The following DSCAM variants were observed in gnomAD, a reference collection of about 807,000 sequenced individuals.
The protein encoded by DSCAM is DS cell adhesion molecule.
A neutral mutation model predicts 217.7 loss-of-function variants in DSCAM; 47 were observed. That is an observed-to-expected ratio of 0.22 (90% CI 0.17 to 0.28). The LOEUF (loss-of-function observed/expected upper bound fraction) is 0.28, where lower values mean the gene tolerates loss of function less well. DSCAM is among the 10% of genes least tolerant of loss of function. DSCAM has a pLI of 1.00. For synonymous variants in DSCAM, 1,056 were observed against 1,015.3 expected (o/e 1.04, Z -0.76); for missense variants, 2,080 against 2,618.3 (o/e 0.79, Z 4.49).
chr21:40,358,802 GAAA>G (rs199807503), intron 4 of DSCAM, among the ~76,000 whole-genome samples: 1 of 96,658 alleles, frequency 1.0e-5, no homozygotes, highest in Admixed American at 1.2e-4. Flanking sequence ...ACTCCATCTC[GAAA>G]AAAAAAAAAA....
chr21:40,605,634 C>G (rs2089224575), intron 3 of DSCAM, among the ~76,000 whole-genome samples: 1 of 152,130 alleles, frequency 6.6e-6, no homozygotes, highest in African/African-American at 2.4e-5. Flanking sequence ...GGTTGGGCCA[C>G]ATTTGGCCTG....
chr21:40,806,211 G>A, intron 1 of DSCAM, among the ~76,000 whole-genome samples: 1 of 152,200 alleles, frequency 6.6e-6, no homozygotes, highest in South Asian at 2.1e-4. Context: ...AGTCCCCACT[G>A]TGGCCTTCCA....
chr21:40,175,257 G>A (rs2090711824), intron 15 of DSCAM, among the ~76,000 whole-genome samples: 1 of 152,090 alleles, frequency 6.6e-6, no homozygotes, highest in Non-Finnish European at 1.5e-5. Context: ...TTACAGGCAT[G>A]TGCCACAATG....
intron 3 of DSCAM, among the ~76,000 whole-genome samples, chr21:40,577,922 G>T (rs1176097150): frequency 6.6e-6 from 1 of 152,094 alleles, no homozygotes; most frequent in Non-Finnish European, 1.5e-5. Flanking sequence ...GGATGTGCTG[G>T]GAGTCAGCTT....
chr21:40,089,301 C>T (rs1421592079), intron 21 of DSCAM, among the ~76,000 whole-genome samples: 2 of 152,222 alleles, frequency 1.3e-5, no homozygotes, highest in Admixed American at 1.3e-4. Flanking sequence ...ATGCAGGTTC[C>T]CACCACAGCC....
At chr21:40,111,290 C>G (rs1480299303) in intron 20 of DSCAM, among the ~76,000 whole-genome samples, 1 of 151,910 alleles carries the variant, frequency 6.6e-6, no homozygotes, top group African/African-American at 2.4e-5. Context: ...AATTTTCAAC[C>G]CAGAATTTCA....
At chr21:40,334,683 T>G (rs1413608541) in intron 8 of DSCAM, among the ~76,000 whole-genome samples, 5 of 150,572 alleles carry the variant, frequency 3.3e-5, no homozygotes, top group Admixed American at 6.7e-5. Flanking sequence ...CAGGCTGGAG[T>G]GCAGTGTCTA....
Position 40,580,893 on chromosome 21 carries a change from T to C in DSCAM, c.508+111917A>G, listed in dbSNP as rs534557029. Among the ~76,000 whole-genome samples the C allele has an allele frequency of 2.6e-5, 4 of 152,362 alleles. No individual in the cohort carries two copies. The East Asian group carries it at 7.7e-4, about 29-fold the overall frequency. ...AAAGAAGTGTATAGGTTTAAATGCATTTCTTTTTTGAAAAAGAAAGACTGG... is the reference window on the plus strand; with the variant it reads ...AAAGAAGTGTATAGGTTTAAATGCACTTCTTTTTTGAAAAAGAAAGACTGG... On this transcript the variant is annotated intron_variant, in intron 3 of 32. Transcript: ENST00000400454.
chr21:40,333,663 A>T (rs1490042733), intron 8 of DSCAM, among the ~76,000 whole-genome samples: 2 of 152,194 alleles, frequency 1.3e-5, no homozygotes, highest in Non-Finnish European at 2.9e-5. Context: ...TGTAAACTTA[A>T]ATGTTCAGAA....
intron 18 of DSCAM, among the ~76,000 whole-genome samples, chr21:40,141,975 T>TAC (rs72076559): frequency 0.065 from 9,263 of 143,134 alleles, 677 homozygotes; most frequent in African/African-American, 0.2. Context: ...CCACTTGAAA[T>TAC]ACACACACAC....
chr21:40,015,191 T>A (rs2088135037), intron 32 of DSCAM, among the ~76,000 whole-genome samples: 1 of 152,190 alleles, frequency 6.6e-6, no homozygotes, highest in Admixed American at 6.5e-5. Context: ...TTAGGTGCTT[T>A]GCTAGGCATT....
chr21:40,295,230 C>T (rs763740840), intron 10 of DSCAM, among the ~76,000 whole-genome samples: 4 of 151,720 alleles, frequency 2.6e-5, no homozygotes, highest in Non-Finnish European at 2.9e-5. Flanking sequence ...CTCACCAGTA[C>T]ATATCTGGCC....
chr21:40,438,782 C>G (rs562839535), intron 3 of DSCAM, among the ~76,000 whole-genome samples: 3 of 152,162 alleles, frequency 2.0e-5, no homozygotes, highest in Non-Finnish European at 2.9e-5. Context: ...TCATCTCTCA[C>G]GAGGCACTGT....
At chr21:40,631,081 T>C (rs1420401748) in intron 3 of DSCAM, among the ~76,000 whole-genome samples, 2 of 152,210 alleles carry the variant, frequency 1.3e-5, no homozygotes, top group Non-Finnish European at 2.9e-5. Context: ...CCATGTTATG[T>C]AGCAGAAATT....
chr21:40,598,631 A>C (rs1438870135), intron 3 of DSCAM, among the ~76,000 whole-genome samples: 1 of 149,810 alleles, frequency 6.7e-6, no homozygotes, highest in African/African-American at 2.5e-5. Flanking sequence ...CAGCCTCCCA[A>C]GTAGCTGGGA....
intron 14 of DSCAM, among the ~76,000 whole-genome samples, chr21:40,182,504 G>A (rs1015372965): frequency 3.3e-5 from 5 of 151,746 alleles, no homozygotes; most frequent in African/African-American, 7.3e-5. Flanking sequence ...TGGACAGGAC[G>A]GAGGCACCGG....
At chr21:40,702,987 T>C (rs2090673892) in intron 2 of DSCAM, among the ~76,000 whole-genome samples, 1 of 152,242 alleles carries the variant, frequency 6.6e-6, no homozygotes, top group Non-Finnish European at 1.5e-5. Flanking sequence ...ACATTGTTAC[T>C]ATTTTTGTCT....
chr21:40,439,791 C>T lies in DSCAM; in HGVS notation c.509-70546G>A, dbSNP rs572500927. On this transcript the variant is annotated intron_variant, in intron 3 of 32. Coordinates refer to ENST00000400454, the MANE Select transcript of DSCAM (RefSeq NM_001389.5). Reference sequence around the variant, plus strand: ...AGAGAGCTTGTGCAGGGAAACACCCCCTTACAAAACCATCAGATCTCATGA... The same window carrying T: ...AGAGAGCTTGTGCAGGGAAACACCCTCTTACAAAACCATCAGATCTCATGA... Among the ~76,000 whole-genome samples the T allele has an allele frequency of 2.4e-3, 372 of 152,204 alleles. 1 individual carries two copies. Among genetic ancestry groups the T allele is most frequent in the South Asian group, 8.5e-3 (41 of 4,816 alleles).
intron 8 of DSCAM, among the ~76,000 whole-genome samples, chr21:40,314,267 C>G (rs1217274292): frequency 6.6e-6 from 1 of 152,150 alleles, no homozygotes; most frequent in East Asian, 1.9e-4. Flanking sequence ...CAAGTACAGC[C>G]AGAGGTCGAA....
Sources: gnomAD v4.1 joint callset for allele counts (sites outside exome capture counted in the v4.1 genomes callset) on GRCh38, gnomAD v4.1.1 for gene constraint, MANE v1.5 for transcripts, NCBI Gene and HGNC (gene_info 2026-07-23, HGNC 2026-07-21) for gene names.